The following ST8SIA3 variants were observed in gnomAD, a reference collection of about 807,000 sequenced individuals.
The protein encoded by ST8SIA3 is alpha-N-acetylneuraminate alpha-2,8-sialyltransferase ST8SIA3.
ST8SIA3 carries 17 observed loss-of-function variants against 34.5 expected under a neutral mutation model. The observed-to-expected ratio is 0.49, with a 90% CI of 0.34 to 0.74. ST8SIA3 has a LOEUF of 0.74. ST8SIA3 is among the 30% of genes least tolerant of loss of function. ST8SIA3 has a pLI of 0.01. For missense variants in ST8SIA3, 354 were observed against 467.8 expected (o/e 0.76, Z 2.24); for synonymous variants, 172 against 176.1 (o/e 0.98, Z 0.19).
chr18:57,367,779 C>G lies in ST8SIA3; in HGVS notation c.*7502C>G, dbSNP rs1005911887. On this transcript the variant is annotated 3_prime_UTR_variant, in exon 4 of 4. Coordinates refer to ENST00000324000, the MANE Select transcript of ST8SIA3 (RefSeq NM_015879.3). ...TTAGAAGTGCTCTTTAGCCATATTT[C>G]AAGATCCAGATCTGAACCCATACTG... 6.6e-6 allele frequency: 1 copy of G among 152,638 alleles called. No homozygotes were observed. Among genetic ancestry groups the G allele is most frequent in the African/African-American group, 2.4e-5 (1 of 41,444 alleles). The allele number at this position is 152,638 out of a possible 1,614,324, so 9.5% of individuals were successfully genotyped here. A position where few individuals can be genotyped will look rare whatever the true frequency, so the allele number is the denominator to read the frequency against.
intron 1 of ST8SIA3, among the ~76,000 whole-genome samples, chr18:57,353,827 C>T (rs769588388): frequency 1.3e-5 from 2 of 152,202 alleles, no homozygotes; most frequent in Non-Finnish European, 2.9e-5. Flanking sequence ...ACCTGTGGTC[C>T]AAGCTGGGAC....
chr18:57,355,316 G>C (rs2049792907), intron 2 of ST8SIA3, among the ~76,000 whole-genome samples: 1 of 152,158 alleles, frequency 6.6e-6, no homozygotes, highest in African/African-American at 2.4e-5. Flanking sequence ...AATGGGATGT[G>C]AGCCATCTAG....
Position 57,352,759 on chromosome 18 carries a change from CACACACACACAT to C in ST8SIA3, c.-86_-75del. ...ACACACACACACACACACACACACA[CACACACACACAT>C]ATATACACGCCAGCGAGCTGCTGGC... On this transcript the variant is annotated 5_prime_UTR_variant, in exon 1 of 4. Coordinates refer to ENST00000324000, the MANE Select transcript of ST8SIA3 (RefSeq NM_015879.3). The C allele has an allele frequency of 3.1e-6, 3 of 970,940 alleles. No individual in the cohort carries two copies. Among genetic ancestry groups the C allele is most frequent in the South Asian group, 1.3e-5 (1 of 76,198 alleles). 60.1% of individuals were successfully genotyped at this position (970,940 alleles called of 1,614,324 possible).
rs528957251 is a variant in ST8SIA3 at position 57,356,985 on chromosome 18, A to G, written c.375A>G (p.Gln125=). The change falls in exon 3 of 4, where the codon CAA becomes CAG. Residue 125 remains glutamine (Q), a synonymous_variant. Coordinates refer to ENST00000324000, the MANE Select transcript of ST8SIA3 (RefSeq NM_015879.3). ...SLTKNSVRIG[Q]LMHYDYSSHK... ...CCAAGAATAGTGTTCGGATTGGACA[A>G]CTGATGCACTATGATTATTCCAGCC... 12 of 1,614,012 alleles carry G rather than the reference A, an allele frequency of 7.4e-6. No individual in the cohort carries two copies. The African/African-American group carries it at 1.1e-4, about 14-fold the overall frequency.
At position 57,368,250 on chromosome 18, in the gene ST8SIA3, G is replaced by C. The variant is rs569362238; in HGVS notation, c.*7973G>C. 6.6e-6 allele frequency: 1 copy of C among 152,148 alleles called. No individual in the cohort carries two copies. Among genetic ancestry groups the C allele is most frequent in the African/African-American group, 2.4e-5 (1 of 41,438 alleles). 9.4% of individuals were successfully genotyped at this position (152,148 alleles called of 1,614,324 possible). A position where few individuals can be genotyped will look rare whatever the true frequency, so the allele number is the denominator to read the frequency against. On this transcript the variant is annotated 3_prime_UTR_variant, in exon 4 of 4. Transcript: ENST00000324000. ...AAGAATGTTTGTGATATCTTCTCTCGCTTAACATACTTTGATTTCACCATT... is the reference window on the plus strand; with the variant it reads ...AAGAATGTTTGTGATATCTTCTCTCCCTTAACATACTTTGATTTCACCATT...
rs1290076611 is a variant in ST8SIA3, at chr18:57,354,387, C to CA, written c.180-14dup. ...TGAGGCCAGCACGCTTGTCTGTGCT[C>CA]ATGCTCCTCTCCAGGTCACAATTTG... On this transcript the variant is annotated splice_polypyrimidine_tract_variant and intron_variant, in intron 1 of 3. Coordinates refer to ENST00000324000, the MANE Select transcript of ST8SIA3 (RefSeq NM_015879.3). 8.1e-6 allele frequency: 13 copies of CA among 1,613,900 alleles called. No homozygotes were observed. The highest frequency in any genetic ancestry group is 2.2e-5 in the South Asian group (2 of 91,054).
intron 2 of ST8SIA3, among the ~76,000 whole-genome samples, chr18:57,356,340 A>T (rs188396488): frequency 1.2e-3 from 176 of 152,272 alleles, no homozygotes; most frequent in African/African-American, 4.1e-3. Context: ...CCTTAATGAG[A>T]TTATCATCTC....
intron 3 of ST8SIA3, among the ~76,000 whole-genome samples, chr18:57,359,531 T>C (rs998219143): frequency 6.6e-6 from 1 of 152,102 alleles, no homozygotes; most frequent in Non-Finnish European, 1.5e-5. Context: ...TCCCTTAGAT[T>C]AAATGACCTC....
At chr18:57,353,168 T>A in intron 1 of ST8SIA3, 143 bp downstream of exon 1, 2 of 742,018 alleles carry the variant, frequency 2.7e-6, no homozygotes, top group Non-Finnish European at 4.3e-6. Context: ...CTCCTCTCTC[T>A]AATTCTCCCT....
At chr18:57,353,590 C>G (rs1204113380) in intron 1 of ST8SIA3, among the ~76,000 whole-genome samples, 1 of 152,194 alleles carries the variant, frequency 6.6e-6, no homozygotes, top group Non-Finnish European at 1.5e-5. Context: ...CACCGCCCCC[C>G]ACCAGCTTTC....
intron 2 of ST8SIA3, 52 bp from the exon 3 acceptor site, chr18:57,356,861 A>T: frequency 1.7e-6 from 2 of 1,203,334 alleles, no homozygotes; most frequent in Non-Finnish European, 2.3e-6. Context: ...CATAAGATGG[A>T]AAATCAGTTC....
At chr18:57,359,625 G>C (rs1212038716) in intron 3 of ST8SIA3, among the ~76,000 whole-genome samples, 1 of 152,150 alleles carries the variant, frequency 6.6e-6, no homozygotes, top group East Asian at 1.9e-4. Context: ...CGCTGGGTCA[G>C]AGCCACACCA....
rs150018378 is a variant in ST8SIA3 at position 57,359,956 on chromosome 18, C to T, written c.861-39C>T. ...AGACCTTGCTGATTGAAACTTTCAA[C>T]GCTGACCTCTGAATCCAAATGTACT... On this transcript the variant is annotated intron_variant, in intron 3 of 3. Coordinates refer to ENST00000324000, the MANE Select transcript of ST8SIA3 (RefSeq NM_015879.3). 7.4e-4 allele frequency: 1,165 copies of T among 1,580,160 alleles called. 14 individuals are homozygous for T. The African/African-American group carries it at 0.013, about 18-fold the overall frequency.
intron 2 of ST8SIA3, among the ~76,000 whole-genome samples, chr18:57,355,912 C>T (rs1425908822): frequency 6.6e-6 from 1 of 152,168 alleles, no homozygotes; most frequent in Non-Finnish European, 1.5e-5. Flanking sequence ...ATTTCAGTTG[C>T]TGTTGCCTCT....
chr18:57,357,286 C>G lies in ST8SIA3; in HGVS notation c.676C>G (p.Gln226Glu). Residue 226 changes from glutamine (Q) to glutamate (E), a missense_variant, in exon 3 of 4, where the codon CAG becomes GAG. Gln to Glu is a conservative substitution (Grantham distance 29). This residue lies in a region of ST8SIA3 where 166 missense variants were observed against 245.2 expected (regional missense o/e 0.68). Coordinates refer to ENST00000324000, the MANE Select transcript of ST8SIA3 (RefSeq NM_015879.3). ...ATATTACAACAATCTCTTGACTATT[C>G]AGGACCGTAACAACTTTTTCCTCAG... ...EKYYNNLLTIQDRNNFFLSLK... is the reference protein window; with the variant it reads ...EKYYNNLLTIEDRNNFFLSLK... 6.2e-7 allele frequency: 1 copy of G among 1,614,142 alleles called. No individual in the cohort carries two copies. Among genetic ancestry groups the G allele is most frequent in the Non-Finnish European group, 8.5e-7 (1 of 1,179,998 alleles).
At chr18:57,353,414 G>A (rs2049777191) in intron 1 of ST8SIA3, among the ~76,000 whole-genome samples, 1 of 152,078 alleles carries the variant, frequency 6.6e-6, no homozygotes, top group Admixed American at 6.5e-5. Context: ...CGCCCTGTCC[G>A]CAGACTCCGC....
chr18:57,353,486 C>T (rs907536293), intron 1 of ST8SIA3, among the ~76,000 whole-genome samples: 6 of 152,072 alleles, frequency 3.9e-5, no homozygotes, highest in East Asian at 1.9e-4. Flanking sequence ...CCCTCGCGCC[C>T]TCCTCCTTTA....
At position 57,365,262 on chromosome 18, in the gene ST8SIA3, C is replaced by T. The variant is rs1380185367; in HGVS notation, c.*4985C>T. ...TTGAACAAAGTAGCTAAATGCTTATCTCTCCTTGTGCGATTAGTTTCACAT... is the reference window on the plus strand; with the variant it reads ...TTGAACAAAGTAGCTAAATGCTTATTTCTCCTTGTGCGATTAGTTTCACAT... On this transcript the variant is annotated 3_prime_UTR_variant, in exon 4 of 4. Coordinates refer to ENST00000324000, the MANE Select transcript of ST8SIA3 (RefSeq NM_015879.3). 6.6e-6 allele frequency: 1 copy of T among 152,208 alleles called. No homozygotes were observed. The highest frequency in any genetic ancestry group is 2.4e-5 in the African/African-American group (1 of 41,460). 9.4% of individuals were successfully genotyped at this position (152,208 alleles called of 1,614,324 possible).
rs2049863955 is a variant in ST8SIA3 at position 57,366,909 on chromosome 18, A to G, written c.*6632A>G. 6.6e-6 allele frequency: 1 copy of G among 152,260 alleles called. No homozygotes were observed. Among genetic ancestry groups the G allele is most frequent in the Admixed American group, 6.5e-5 (1 of 15,292 alleles). The allele number at this position is 152,260 out of a possible 1,614,324, so 9.4% of individuals were successfully genotyped here. Reference sequence around the variant, plus strand: ...CCCTGCAGTCCCCTGGCATTGAGCAATAGAGCAACTGTCCTTTCTCACCAC... The same window carrying G: ...CCCTGCAGTCCCCTGGCATTGAGCAGTAGAGCAACTGTCCTTTCTCACCAC... On this transcript the variant is annotated 3_prime_UTR_variant, in exon 4 of 4. Transcript: ENST00000324000.
Sources: allele counts gnomAD v4.1 joint callset (sites outside exome capture counted in the v4.1 genomes callset), GRCh38; gene constraint gnomAD v4.1.1; regional missense constraint gnomAD v4.1.1; transcripts MANE v1.5; gene names NCBI Gene and HGNC (gene_info 2026-07-23, HGNC 2026-07-21).